SMAP1: variants seen among roughly 807,000 people sequenced by gnomAD.
SMAP1 encodes small ArfGAP 1.
A neutral mutation model predicts 58.5 loss-of-function variants in SMAP1; 24 were observed. The observed-to-expected ratio is 0.41, with a 90% confidence interval of 0.30 to 0.58. The LOEUF (loss-of-function observed/expected upper bound fraction) is 0.58, where lower values mean the gene tolerates loss of function less well. Among genes scored for constraint, SMAP1 ranks in the 20% least tolerant of loss-of-function variants. SMAP1 has a pLI of 0.29. For missense variants in SMAP1, 563 were observed against 566.3 expected (o/e 0.99, Z 0.06); for synonymous variants, 216 against 196.6 (o/e 1.10, Z -0.82).
At chr6:70,708,445 G>A (rs9354936) in intron 1 of SMAP1, among the ~76,000 whole-genome samples, 151,876 of 152,348 alleles carry the variant, frequency 1, 75,704 homozygotes, top group Middle Eastern at 1. Context: ...GAGTCCAGAT[G>A]TCTCTATGAA....
At chr6:70,681,636 A>C (rs1426332823) in intron 1 of SMAP1, among the ~76,000 whole-genome samples, 1 of 152,208 alleles carries the variant, frequency 6.6e-6, no homozygotes, top group Non-Finnish European at 1.5e-5. Flanking sequence ...ATGCTGGTTT[A>C]AAGAATGAAA....
At chr6:70,761,299 A>C (rs1766736262) in intron 3 of SMAP1, among the ~76,000 whole-genome samples, 1 of 152,038 alleles carries the variant, frequency 6.6e-6, no homozygotes, top group Admixed American at 6.6e-5. Flanking sequence ...GGCATGGGGA[A>C]GATTCTGGGA....
At chr6:70,688,678 T>C (rs1453836442) in intron 1 of SMAP1, among the ~76,000 whole-genome samples, 2 of 152,230 alleles carry the variant, frequency 1.3e-5, no homozygotes, top group African/African-American at 4.8e-5. Context: ...TTATATATTC[T>C]AGATACTAGT....
At chr6:70,780,210 T>C (rs958624019) in intron 4 of SMAP1, among the ~76,000 whole-genome samples, 9 of 152,188 alleles carry the variant, frequency 5.9e-5, no homozygotes, top group African/African-American at 2.2e-4. Context: ...TATGGTCATA[T>C]AGAATGAGTC....
intron 3 of SMAP1, among the ~76,000 whole-genome samples, chr6:70,760,436 A>G (rs1192533445): frequency 2.0e-5 from 3 of 152,136 alleles, no homozygotes; most frequent in South Asian, 4.1e-4. Flanking sequence ...TGTTAAGAGT[A>G]TAAGATGACA....
chr6:70,836,836 AT>A (rs942520329), intron 6 of SMAP1, 104 bp from the exon 7 acceptor site: 503 of 893,814 alleles, frequency 5.6e-4, no homozygotes, highest in Middle Eastern at 1.5e-3. Context: ...TATGTTTCAT[AT>A]TTTTTTTACA....
intron 1 of SMAP1, among the ~76,000 whole-genome samples, chr6:70,700,970 G>T (rs1582025502): frequency 6.6e-6 from 1 of 152,290 alleles, no homozygotes; most frequent in East Asian, 1.9e-4. Flanking sequence ...GACTCTGCCT[G>T]GTGCTCCATT....
At chr6:70,769,182 A>C (rs1013662493) in intron 3 of SMAP1, among the ~76,000 whole-genome samples, 1 of 152,134 alleles carries the variant, frequency 6.6e-6, no homozygotes, top group South Asian at 2.1e-4. Flanking sequence ...TATGTGGTCA[A>C]TTTGGGAATA....
At chr6:70,834,642 C>G (rs1056046458) in intron 6 of SMAP1, among the ~76,000 whole-genome samples, 2 of 152,174 alleles carry the variant, frequency 1.3e-5, no homozygotes, top group East Asian at 3.9e-4. Context: ...AAGACCCACC[C>G]CAGGAAGCTG....
At chr6:70,722,468 A>G (rs1266280811) in intron 1 of SMAP1, among the ~76,000 whole-genome samples, 3 of 152,206 alleles carry the variant, frequency 2.0e-5, no homozygotes, top group African/African-American at 7.2e-5. Flanking sequence ...AATTAAAATG[A>G]TAGAACTATG....
intron 7 of SMAP1, among the ~76,000 whole-genome samples, chr6:70,846,617 C>T (rs9446299): frequency 0.047 from 7,134 of 152,210 alleles, 515 homozygotes; most frequent in African/African-American, 0.16. Context: ...GTATGGCCTG[C>T]AGTGGAGGTG....
At chr6:70,725,838 T>C (rs767106343) in intron 1 of SMAP1, among the ~76,000 whole-genome samples, 7 of 152,246 alleles carry the variant, frequency 4.6e-5, no homozygotes, top group African/African-American at 7.2e-5. Flanking sequence ...AGCAAACTTA[T>C]AATAATTTTA....
intron 6 of SMAP1, among the ~76,000 whole-genome samples, chr6:70,824,938 G>A (rs562995551): frequency 1.3e-5 from 2 of 152,232 alleles, no homozygotes; most frequent in African/African-American, 4.8e-5. Flanking sequence ...CCTTCTTTCT[G>A]CTTTTGAAGC....
intron 5 of SMAP1, among the ~76,000 whole-genome samples, chr6:70,798,002 T>C (rs1768678637): frequency 6.6e-6 from 1 of 152,126 alleles, no homozygotes; most frequent in African/African-American, 2.4e-5. Context: ...ATCTAATCCT[T>C]ATTGGAAATG....
At chr6:70,829,646 G>A (rs898642637) in intron 6 of SMAP1, among the ~76,000 whole-genome samples, 1 of 152,108 alleles carries the variant, frequency 6.6e-6, no homozygotes, top group Admixed American at 6.6e-5. Flanking sequence ...AAATGAAAAA[G>A]TTGAATGTAA....
intron 1 of SMAP1, among the ~76,000 whole-genome samples, chr6:70,729,495 A>ATG (rs1765340731): frequency 1.7e-5 from 1 of 57,738 alleles, no homozygotes; most frequent in African/African-American, 5.9e-5. Flanking sequence ...GTGTGTGTGT[A>ATG]TGTGTGTATG....
At chr6:70,806,426 C>G (rs1483342645) in intron 6 of SMAP1, among the ~76,000 whole-genome samples, 1 of 152,176 alleles carries the variant, frequency 6.6e-6, no homozygotes, top group Non-Finnish European at 1.5e-5. Context: ...CTTCCCTTGG[C>G]TAGGAAAGGG....
At chr6:70,779,694 G>C (rs1767682734) in intron 4 of SMAP1, among the ~76,000 whole-genome samples, 1 of 152,058 alleles carries the variant, frequency 6.6e-6, no homozygotes, top group Admixed American at 6.6e-5. Context: ...CTTACTTACT[G>C]ATTCCTACTG....
intron 4 of SMAP1, among the ~76,000 whole-genome samples, chr6:70,785,514 C>G: frequency 6.6e-6 from 1 of 152,130 alleles, no homozygotes; most frequent in East Asian, 1.9e-4. Context: ...AATCCAGGAG[C>G]TGGTTTTTTG....
Sources: allele counts gnomAD v4.1 joint callset (sites outside exome capture counted in the v4.1 genomes callset), GRCh38; gene constraint gnomAD v4.1.1; transcripts MANE v1.5; gene names NCBI Gene and HGNC (gene_info 2026-07-23, HGNC 2026-07-21).